Variants in DDX4 observed in about 807,000 individuals in gnomAD.
DDX4 encodes the protein probable ATP-dependent RNA helicase DDX4.
DDX4 carries 25 observed loss-of-function variants against 100.0 expected under a neutral mutation model. That is an observed-to-expected ratio of 0.25 (90% CI 0.18 to 0.35). The LOEUF is 0.35. Ranked by LOEUF, DDX4 falls within the 10% of genes least tolerant of loss-of-function variation. The pLI is 1.00. For missense variants in DDX4, 635 were observed against 882.4 expected (o/e 0.72, Z 3.55); for synonymous variants, 259 against 275.7 (o/e 0.94, Z 0.60).
At chr5:55,780,732 A>G (rs1741859460) in intron 8 of DDX4, among the ~76,000 whole-genome samples, 1 of 152,208 alleles carries the variant, frequency 6.6e-6, no homozygotes, top group Non-Finnish European at 1.5e-5. Flanking sequence ...GGCAATTTCT[A>G]GAGATTTAAC....
At chr5:55,748,888 T>A (rs182520713) in intron 3 of DDX4, among the ~76,000 whole-genome samples, 25 of 152,360 alleles carry the variant, frequency 1.6e-4, no homozygotes, top group African/African-American at 5.5e-4. Flanking sequence ...TATGTTCCTT[T>A]TTTATAAATA....
intron 3 of DDX4, 77 bp downstream of exon 3, chr5:55,746,298 T>C: frequency 7.5e-7 from 1 of 1,324,856 alleles, no homozygotes; most frequent in Non-Finnish European, 1.1e-6. Flanking sequence ...AGCAGACTAG[T>C]AGACATCTTG....
intron 3 of DDX4, among the ~76,000 whole-genome samples, chr5:55,756,837 CCAT>C (rs1759965779): frequency 6.6e-6 from 1 of 151,878 alleles, no homozygotes; most frequent in African/African-American, 2.4e-5. Flanking sequence ...CATCTATACT[CCAT>C]CATTTATTGG....
chr5:55,795,518 C>T (rs1357833271), intron 17 of DDX4, among the ~76,000 whole-genome samples: 1 of 152,178 alleles, frequency 6.6e-6, no homozygotes, highest in African/African-American at 2.4e-5. Context: ...GCCTATAATC[C>T]CAACACTTTG....
rs903018048 is a variant in DDX4, at chr5:55,803,722, A to G, written c.1615+5151A>G. 4.6e-4 allele frequency among the ~76,000 whole-genome samples: 70 copies of G among 152,072 alleles called. 1 individual carries two copies. Among genetic ancestry groups the G allele is most frequent in the Non-Finnish European group, 4.3e-4 (29 of 67,996 alleles). ...GTGCCACATTTTCTTAATCCAGTCT[A>G]TCATTGTTGGACATTTGGGTTGGTT... is the stretch of plus-strand genomic sequence containing the variant. On this transcript the variant is annotated intron_variant, in intron 18 of 21. Transcript: ENST00000505374.
At chr5:55,769,001 A>G (rs923189054) in intron 7 of DDX4, among the ~76,000 whole-genome samples, 2 of 151,992 alleles carry the variant, frequency 1.3e-5, no homozygotes, top group Non-Finnish European at 2.9e-5. Flanking sequence ...TAATTTCCTT[A>G]TAGATTCTGG....
intron 14 of DDX4, among the ~76,000 whole-genome samples, chr5:55,787,447 C>T (rs992965709): frequency 9.9e-5 from 15 of 152,114 alleles, no homozygotes; most frequent in Non-Finnish European, 1.5e-4. Context: ...CTGTGGGCCA[C>T]TTTTGTCATC....
At chr5:55,755,233 C>G (rs533226692) in intron 3 of DDX4, among the ~76,000 whole-genome samples, 1 of 152,076 alleles carries the variant, frequency 6.6e-6, no homozygotes, top group Non-Finnish European at 1.5e-5. Flanking sequence ...AACATCTAGG[C>G]TTTTCCTCAC....
intron 10 of DDX4, among the ~76,000 whole-genome samples, chr5:55,784,202 CAG>C (rs752234157): frequency 6.6e-6 from 1 of 152,080 alleles, no homozygotes; most frequent in Non-Finnish European, 1.5e-5. Flanking sequence ...GGGGCGGAGT[CAG>C]GGGGCGGGGG....
At chr5:55,787,726 C>G (rs77661280) in intron 14 of DDX4, 120 bp from the exon 15 acceptor site, 51,530 of 1,118,894 alleles carry the variant, frequency 0.046, 1,697 homozygotes, top group African/African-American at 0.15. Context: ...CATTTCTCAT[C>G]TTAAATTTAC....
At chr5:55,813,472 C>A (rs1396096015) in intron 18 of DDX4, among the ~76,000 whole-genome samples, 1 of 152,076 alleles carries the variant, frequency 6.6e-6, no homozygotes, top group East Asian at 1.9e-4. Context: ...TTTTTAAATC[C>A]CTCAACTAGG....
intron 2 of DDX4, among the ~76,000 whole-genome samples, chr5:55,743,630 A>G (rs1759101122): frequency 6.6e-6 from 1 of 152,114 alleles, no homozygotes; most frequent in African/African-American, 2.4e-5. Context: ...GGGTTACACC[A>G]TGTTGGACAG....
At chr5:55,781,414 A>G (rs1025908867) in intron 9 of DDX4, among the ~76,000 whole-genome samples, 1 of 152,232 alleles carries the variant, frequency 6.6e-6, no homozygotes, top group Non-Finnish European at 1.5e-5. Context: ...GGGGAAAAGG[A>G]TTTGTGTGAG....
At chr5:55,777,192 A>G (rs1281048009) in intron 7 of DDX4, among the ~76,000 whole-genome samples, 1 of 152,226 alleles carries the variant, frequency 6.6e-6, no homozygotes, top group Non-Finnish European at 1.5e-5. Flanking sequence ...AAAACAGGAC[A>G]GAAAGGAGAA....
chr5:55,768,086 T>A, intron 7 of DDX4, 146 bp downstream of exon 7: 1 of 738,254 alleles, frequency 1.4e-6, no homozygotes. Flanking sequence ...CTTTTAATAT[T>A]TGAGTGAGTA....
rs71622198 is a variant in DDX4 at position 55,772,140 on chromosome 5, G to A, written c.394+4200G>A. Among the ~76,000 whole-genome samples the A allele has an allele frequency of 8.7e-4, 133 of 152,328 alleles. 1 individual carries two copies. Among genetic ancestry groups the A allele is most frequent in the Non-Finnish European group, 1.7e-3 (116 of 68,034 alleles). On this transcript the variant is annotated intron_variant, in intron 7 of 21. Transcript: ENST00000505374. ...GCAGAAGAATCGCTTGAACCTGGGA[G>A]GCAGAGGTTGCAGTGAGCTGAGATT...
chr5:55,771,602 T>C (rs1741257995), intron 7 of DDX4, among the ~76,000 whole-genome samples: 1 of 152,218 alleles, frequency 6.6e-6, no homozygotes, highest in South Asian at 2.1e-4. Context: ...GAAGAATTGC[T>C]AGGTCATAGG....
chr5:55,743,428 C>T (rs1245503317), intron 2 of DDX4, among the ~76,000 whole-genome samples: 1 of 152,064 alleles, frequency 6.6e-6, no homozygotes, highest in Non-Finnish European at 1.5e-5. Flanking sequence ...CCCCTTTTCT[C>T]TCTCTTTCTT....
At chr5:55,740,777 C>T (rs933436794) in intron 2 of DDX4, among the ~76,000 whole-genome samples, 2 of 151,794 alleles carry the variant, frequency 1.3e-5, no homozygotes, top group African/African-American at 4.8e-5. Context: ...ACTTTGGCCT[C>T]CCAAAGTGCT....
Sources: allele counts gnomAD v4.1 joint callset (sites outside exome capture counted in the v4.1 genomes callset), GRCh38; gene constraint gnomAD v4.1.1; transcripts MANE v1.5; gene names NCBI Gene and HGNC (gene_info 2026-07-23, HGNC 2026-07-21).